The following PCDHAC1 variants were observed in gnomAD, a reference collection of about 807,000 sequenced individuals.
The protein encoded by PCDHAC1 is protocadherin alpha subfamily C, 1.
In PCDHAC1, 42 loss-of-function variants were observed where a neutral mutation model predicts 60.0. That is an observed-to-expected ratio of 0.70 (90% CI 0.55 to 0.90). PCDHAC1 has a LOEUF of 0.90. PCDHAC1 is among the 40% of genes least tolerant of loss of function. PCDHAC1 has a pLI of 0.00. For synonymous variants in PCDHAC1, 468 were observed against 499.3 expected (o/e 0.94, Z 0.84); for missense variants, 1,160 against 1,222.3 (o/e 0.95, Z 0.76).
intron 1 of PCDHAC1, among the ~76,000 whole-genome samples, chr5:140,963,103 G>A (rs2095737477): frequency 1.3e-5 from 2 of 151,910 alleles, no homozygotes; most frequent in South Asian, 4.1e-4. Flanking sequence ...CTGCTTTCAG[G>A]TTGCTTATAA....
At chr5:141,006,085 C>T (rs1588120524) in intron 3 of PCDHAC1, among the ~76,000 whole-genome samples, 1 of 148,094 alleles carries the variant, frequency 6.8e-6, no homozygotes, top group African/African-American at 2.5e-5. Context: ...ATTGAAGGGA[C>T]TTATGTATCA....
At chr5:140,934,952 C>T (rs1007494400) in intron 1 of PCDHAC1, among the ~76,000 whole-genome samples, 22 of 152,218 alleles carry the variant, frequency 1.4e-4, no homozygotes, top group African/African-American at 5.1e-4. Flanking sequence ...AGAGAGATCC[C>T]ATGTGCTTGT....
chr5:140,987,165 G>A lies in PCDHAC1; in HGVS notation c.2581+4602G>A, dbSNP rs191129148. Among the ~76,000 whole-genome samples, 1,195 of 151,202 alleles carry A rather than the reference G, an allele frequency of 7.9e-3. 19 individuals are homozygous for A. The highest frequency in any genetic ancestry group is 0.027 in the African/African-American group (1,126 of 41,156). On this transcript the variant is annotated intron_variant, in intron 3 of 3. Transcript: ENST00000253807. ...GGAGGTGGAGGTTGCAGTGAGCTGA[G>A]ATTGCACCACTGCACTCCAGCCTGG...
At chr5:140,979,966 A>G (rs1029035910) in intron 2 of PCDHAC1, among the ~76,000 whole-genome samples, 7 of 152,258 alleles carry the variant, frequency 4.6e-5, no homozygotes, top group Non-Finnish European at 7.3e-5. Context: ...TTAGCCCATT[A>G]AAATGCATTA....
Position 140,926,930 on chromosome 5 carries a change from T to A in PCDHAC1, c.38T>A (p.Val13Asp), listed in dbSNP as rs1554203828. Residue 13 changes from valine (V) to aspartate (D), a missense_variant, in exon 1 of 4, where the codon GTT becomes GAT. Physicochemically the swap from Val to Asp is radical, Grantham distance 152. Around this residue, in one of 3 missense-constraint regions of PCDHAC1, gnomAD observed 43 missense variants for 40.4 expected, o/e 1.06. Coordinates refer to ENST00000253807, the MANE Select transcript of PCDHAC1 (RefSeq NM_018898.5). ...GGGGTGGCAGTTTTATGTTTGTGGG[T>A]TTCCTGCGGCGCTGCAGCGGGACAG... Reference protein sequence around the residue: ...GCGVAVLCLWVSCGAAAGQLE... With the variant: ...GCGVAVLCLWDSCGAAAGQLE... 6 of 1,575,058 alleles carry A rather than the reference T, an allele frequency of 3.8e-6. No individual in the cohort carries two copies. The East Asian group carries it at 1.4e-4, about 35-fold the overall frequency.
chr5:140,957,133 A>G (rs1308855631), intron 1 of PCDHAC1, among the ~76,000 whole-genome samples: 4 of 152,222 alleles, frequency 2.6e-5, no homozygotes, highest in African/African-American at 9.6e-5. Context: ...TTACTACACT[A>G]TGAACTAAAA....
chr5:140,949,798 A>G (rs1021470816), intron 1 of PCDHAC1, among the ~76,000 whole-genome samples: 1 of 151,786 alleles, frequency 6.6e-6, no homozygotes, highest in South Asian at 2.1e-4. Context: ...GTGTCCTTCA[A>G]TACATTATTT....
At chr5:140,936,185 G>A (rs563044758) in intron 1 of PCDHAC1, among the ~76,000 whole-genome samples, 10 of 152,060 alleles carry the variant, frequency 6.6e-5, no homozygotes, top group Non-Finnish European at 1.0e-4. Context: ...AAACCACCAC[G>A]CCCAGCCAAA....
At chr5:140,976,929 A>G (rs1289479026) in intron 1 of PCDHAC1, among the ~76,000 whole-genome samples, 2 of 152,234 alleles carry the variant, frequency 1.3e-5, no homozygotes, top group South Asian at 2.1e-4. Flanking sequence ...AGTACTGTGT[A>G]GCTACTTAAA....
chr5:140,946,516 C>G (rs551838143), intron 1 of PCDHAC1, among the ~76,000 whole-genome samples: 1 of 151,020 alleles, frequency 6.6e-6, no homozygotes, highest in Non-Finnish European at 1.5e-5. Context: ...AAGACCTATC[C>G]GCACTCCCAT....
At chr5:140,997,141 C>T (rs941650589) in intron 3 of PCDHAC1, among the ~76,000 whole-genome samples, 6 of 152,088 alleles carry the variant, frequency 3.9e-5, no homozygotes, top group Admixed American at 2.6e-4. Flanking sequence ...CCCACACCCC[C>T]GCCACAGTGA....
chr5:140,938,599 C>T (rs1554212246), intron 1 of PCDHAC1, among the ~76,000 whole-genome samples: 1 of 152,048 alleles, frequency 6.6e-6, no homozygotes, highest in African/African-American at 2.4e-5. Flanking sequence ...ATAAACCAAT[C>T]TTGCATTCTT....
chr5:140,944,664 T>A (rs2093679523), intron 1 of PCDHAC1, among the ~76,000 whole-genome samples: 1 of 152,202 alleles, frequency 6.6e-6, no homozygotes, highest in South Asian at 2.1e-4. Context: ...ACCCCTTATT[T>A]ATCTATTCTG....
chr5:140,994,303 C>T (rs13163241), intron 3 of PCDHAC1, among the ~76,000 whole-genome samples: 9,825 of 152,220 alleles, frequency 0.065, 357 homozygotes, highest in East Asian at 0.12. Flanking sequence ...ATTGTTTTCA[C>T]AGGGCCCAAA....
rs782460713 is a variant in PCDHAC1, at chr5:140,927,440, C to T, written c.548C>T (p.Pro183Leu). The T allele has an allele frequency of 3.7e-6, 6 of 1,614,050 alleles. No individual in the cohort carries two copies. Among genetic ancestry groups the T allele is most frequent in the Admixed American group, 3.3e-5 (2 of 60,002 alleles). Residue 183 changes from proline (P) to leucine (L), a missense_variant, in exon 1 of 4, where the codon CCG (proline) becomes CTG (leucine). Physicochemically the swap from Pro to Leu is moderately conservative, Grantham distance 98. This residue lies in a region of PCDHAC1 where 1,113 missense variants were observed against 1,163.7 expected (regional missense o/e 0.96). Transcript: ENST00000253807. ...MGSRVDGSEY[P>L]ELVLEKALDR... is the part of the protein sequence containing the mutation. ...TCGCGGGTTGACGGCAGCGAATACC[C>T]GGAGTTGGTGTTGGAGAAAGCACTG...
intron 3 of PCDHAC1, among the ~76,000 whole-genome samples, chr5:140,998,365 A>G (rs1434602564): frequency 6.6e-6 from 1 of 152,142 alleles, no homozygotes; most frequent in African/African-American, 2.4e-5. Context: ...ACCACTGCAC[A>G]CACCGTCTCT....
chr5:140,966,934 G>T, intron 1 of PCDHAC1: 1 of 1,604,080 alleles, frequency 6.2e-7, no homozygotes, highest in Non-Finnish European at 8.5e-7. Context: ...CACCCGGCGC[G>T]CTCGTGGGCA....
At position 141,009,798 on chromosome 5, in the gene PCDHAC1, A is replaced by T; in HGVS notation, c.2753A>T (p.Asn918Ile). 1 of 1,614,116 alleles carries T rather than the reference A, an allele frequency of 6.2e-7. No individual in the cohort carries two copies. The highest frequency in any genetic ancestry group is 2.2e-5 in the East Asian group (1 of 44,868). Residue 918 changes from asparagine (N) to isoleucine (I), a missense_variant, in exon 4 of 4, where the codon AAC (asparagine) becomes ATC (isoleucine). Asn to Ile is a moderately radical substitution (Grantham distance 149). Coordinates refer to ENST00000253807, the MANE Select transcript of PCDHAC1 (RefSeq NM_018898.5). The stretch of plus-strand genomic sequence containing the variant: ...ATCTCCATCCGGCAGGAGCCTACTA[A>T]CAGCCAAATTGACAAAAGTGACTTC... Reference protein sequence around the residue: ...AIISIRQEPTNSQIDKSDFIT... With the variant: ...AIISIRQEPTISQIDKSDFIT...
intron 1 of PCDHAC1, among the ~76,000 whole-genome samples, chr5:140,939,247 T>C (rs1413301027): frequency 6.6e-6 from 1 of 152,246 alleles, no homozygotes; most frequent in South Asian, 2.1e-4. Context: ...GCAAGGTAGC[T>C]CTCTGGAACC....
Sources: gnomAD v4.1 joint callset for allele counts (sites outside exome capture counted in the v4.1 genomes callset) on GRCh38, gnomAD v4.1.1 for gene constraint, gnomAD v4.1.1 regional missense constraint, MANE v1.5 for transcripts, NCBI Gene and HGNC (gene_info 2026-07-23, HGNC 2026-07-21) for gene names.